Variants in IL1RAP observed in about 807,000 individuals in gnomAD.
IL1RAP encodes the protein interleukin-1 receptor accessory protein.
IL1RAP carries 35 observed loss-of-function variants against 60.7 expected under a neutral mutation model. The ratio of observed to expected loss-of-function variants is 0.58; its 90% CI spans 0.44 to 0.76. IL1RAP has a LOEUF of 0.76. Among genes scored for constraint, IL1RAP ranks in the 30% least tolerant of loss-of-function variants. The probability of loss-of-function intolerance (pLI) is 0.00; values close to 1 mark genes in which losing one functional copy is unlikely to be tolerated. For synonymous variants in IL1RAP, 268 were observed against 250.9 expected (o/e 1.07, Z -0.64); for missense variants, 572 against 693.9 (o/e 0.82, Z 1.97).
At chr3:190,652,132 A>G (rs757349723), downstream of IL1RAP, among the ~76,000 whole-genome samples, 1 of 152,262 alleles carries the variant, frequency 6.6e-6, no homozygotes, top group East Asian at 1.9e-4. Flanking sequence ...GGTTAATAAT[A>G]CAAGTCCATA....
intron 1 of IL1RAP, among the ~76,000 whole-genome samples, chr3:190,551,607 G>A (rs1373486828): frequency 2.0e-5 from 3 of 152,260 alleles, no homozygotes; most frequent in South Asian, 2.1e-4. Context: ...TTTAGTTCTT[G>A]TTTTGCTTGA....
chr3:190,655,826 T>C (rs12106724), downstream of IL1RAP: 4,965 of 1,213,050 alleles, frequency 4.1e-3, 173 homozygotes, highest in African/African-American at 0.067. Flanking sequence ...GGATGGACAA[T>C]AACGAACTGG....
downstream of IL1RAP, among the ~76,000 whole-genome samples, chr3:190,654,770 T>G (rs1258179916): frequency 1.3e-5 from 2 of 152,236 alleles, no homozygotes; most frequent in African/African-American, 4.8e-5. Flanking sequence ...ACGGTGACTC[T>G]GGCACATGTT....
Position 190,650,280 on chromosome 3 carries a change from A to T in IL1RAP, c.*1575A>T, listed in dbSNP as rs915861655. The T allele has an allele frequency of 8.1e-6, 8 of 985,208 alleles. 1 individual carries two copies. Among genetic ancestry groups the T allele is most frequent in the South Asian group, 4.7e-5 (1 of 21,284 alleles). The allele number at this position is 985,208 out of a possible 1,614,324, so 61.0% of individuals were successfully genotyped here. A position where few individuals can be genotyped will look rare whatever the true frequency, so the allele number is the denominator to read the frequency against. ...TTCTTGCCTTCCCTAAGTTTATATA[A>T]ATAACTTAAGTATTGCTACAGTTTA... is the stretch of plus-strand genomic sequence containing the variant. On this transcript the variant is annotated 3_prime_UTR_variant, in exon 12 of 12. Coordinates refer to ENST00000447382, the MANE Select transcript of IL1RAP (RefSeq NM_002182.4).
chr3:190,615,432 A>G (rs1731184299), intron 5 of IL1RAP: 1 of 487,502 alleles, frequency 2.1e-6, no homozygotes, highest in Non-Finnish European at 3.7e-6. Flanking sequence ...CCTAACTTTC[A>G]TATTACTGTA....
chr3:190,594,549 C>T (rs1729218311), intron 3 of IL1RAP, among the ~76,000 whole-genome samples: 1 of 152,296 alleles, frequency 6.6e-6, no homozygotes, highest in East Asian at 1.9e-4. Context: ...CTGGGATCTA[C>T]CATATGACAA....
chr3:190,578,648 C>A (rs1361373203), intron 3 of IL1RAP, among the ~76,000 whole-genome samples: 4 of 152,168 alleles, frequency 2.6e-5, no homozygotes, highest in Non-Finnish European at 5.9e-5. Flanking sequence ...ATATTGGATA[C>A]TGTATTAGTC....
chr3:190,618,112 A>C (rs11926180), intron 5 of IL1RAP, among the ~76,000 whole-genome samples: 3,100 of 152,304 alleles, frequency 0.02, 93 homozygotes, highest in African/African-American at 0.071. Flanking sequence ...GGCTGGCTCC[A>C]GGGATGGCAC....
chr3:190,653,102 A>G (rs765109202), downstream of IL1RAP, among the ~76,000 whole-genome samples: 13 of 152,220 alleles, frequency 8.5e-5, no homozygotes, highest in Admixed American at 2.0e-4. Flanking sequence ...ATTTTAATCT[A>G]CATCTATTTA....
intron 1 of IL1RAP, among the ~76,000 whole-genome samples, chr3:190,533,142 C>T (rs1426968453): frequency 6.6e-6 from 1 of 152,102 alleles, no homozygotes; most frequent in Non-Finnish European, 1.5e-5. Flanking sequence ...AAGAGGGAAC[C>T]GTAGGCCCAA....
intron 6 of IL1RAP, 29 bp downstream of exon 6, chr3:190,620,469 A>T: frequency 6.4e-7 from 1 of 1,563,366 alleles, no homozygotes; most frequent in Non-Finnish European, 8.7e-7. Flanking sequence ...CAGTACACAC[A>T]ACAAGCATGT....
At chr3:190,574,441 A>G (rs2108657063) in intron 3 of IL1RAP, among the ~76,000 whole-genome samples, 1 of 152,278 alleles carries the variant, frequency 6.6e-6, no homozygotes, top group Non-Finnish European at 1.5e-5. Context: ...TAACTTTAGT[A>G]TTCTGCAAGG....
chr3:190,535,127 G>A (rs1295669619), intron 1 of IL1RAP, among the ~76,000 whole-genome samples: 2 of 152,086 alleles, frequency 1.3e-5, no homozygotes, highest in Non-Finnish European at 2.9e-5. Context: ...AACATGAATA[G>A]TAGTCCTGAG....
intron 1 of IL1RAP, chr3:190,550,643 C>A (rs775769800): frequency 6.6e-6 from 1 of 152,198 alleles, no homozygotes. Context: ...AGAATTTGCA[C>A]GATAATTGCT....
chr3:190,531,044 G>A (rs1481533088), intron 1 of IL1RAP, among the ~76,000 whole-genome samples: 1 of 152,150 alleles, frequency 6.6e-6, no homozygotes, highest in Non-Finnish European at 1.5e-5. Flanking sequence ...ATGCACCACT[G>A]CCTGATAATC....
chr3:190,526,725 T>G (rs1202482722), intron 1 of IL1RAP, among the ~76,000 whole-genome samples: 1 of 152,258 alleles, frequency 6.6e-6, no homozygotes, highest in Admixed American at 6.5e-5. Context: ...CTATCTGAAC[T>G]GTTTTTATTA....
At chr3:190,516,537 GTA>G (rs1721536085) in intron 1 of IL1RAP, among the ~76,000 whole-genome samples, 1 of 152,160 alleles carries the variant, frequency 6.6e-6, no homozygotes, top group African/African-American at 2.4e-5. Context: ...AGTGCATTCT[GTA>G]TATATGATAC....
At chr3:190,656,695 T>G in exon 12 of IL1RAP, 1 of 728,546 alleles carries the variant, frequency 1.4e-6, no homozygotes, top group Non-Finnish European at 2.2e-6. Flanking sequence ...TTTTATCATC[T>G]AATGGACTAT....
Position 190,629,465 on chromosome 3 carries a change from G to A in IL1RAP, c.1018G>A (p.Glu340Lys), listed in dbSNP as rs1359680337. 3.7e-6 allele frequency: 6 copies of A among 1,613,232 alleles called. No individual in the cohort carries two copies. The highest frequency in any genetic ancestry group is 3.4e-6 in the Non-Finnish European group (4 of 1,179,698). Residue 340 changes from glutamate (E) to lysine (K), a missense_variant, in exon 9 of 12, where the codon GAA becomes AAA. By Grantham distance (56) the Glu-to-Lys change is moderately conservative (BLOSUM62 1). Transcript: ENST00000447382. ...YVCHARSAKG[E>K]VAKAAKVKQK... Reference sequence around the variant, plus strand: ...CTGTCATGCTAGAAGTGCCAAAGGCGAAGTTGCCAAAGCAGCCAAGGTGAA... The same window carrying A: ...CTGTCATGCTAGAAGTGCCAAAGGCAAAGTTGCCAAAGCAGCCAAGGTGAA...
Sources: allele counts gnomAD v4.1 joint callset (sites outside exome capture counted in the v4.1 genomes callset), GRCh38; gene constraint gnomAD v4.1.1; transcripts MANE v1.5; gene names NCBI Gene and HGNC (gene_info 2026-07-23, HGNC 2026-07-21).